The following CEP57L1 variants were observed in gnomAD, a reference collection of about 807,000 sequenced individuals.
CEP57L1 encodes the protein centrosomal protein CEP57L1.
In CEP57L1, 37 loss-of-function variants were observed where a neutral mutation model predicts 61.0. That is an observed-to-expected ratio of 0.61 (90% CI 0.47 to 0.80). CEP57L1 has a LOEUF of 0.80. Among genes scored for constraint, CEP57L1 ranks in the 30% least tolerant of loss-of-function variants. CEP57L1 has a pLI of 0.00. For missense variants in CEP57L1, 422 were observed against 524.7 expected (o/e 0.80, Z 1.91); for synonymous variants, 137 against 162.3 (o/e 0.84, Z 1.19).
chr6:109,113,319 T>C (rs1341334532), intron 1 of CEP57L1, among the ~76,000 whole-genome samples: 1 of 152,158 alleles, frequency 6.6e-6, no homozygotes, highest in East Asian at 1.9e-4. Flanking sequence ...GAAAAGCCCA[T>C]GTCCTCCTCA....
At chr6:109,147,715 CAG>C (rs1382074076) in intron 3 of CEP57L1, among the ~76,000 whole-genome samples, 1 of 152,106 alleles carries the variant, frequency 6.6e-6, no homozygotes, top group Non-Finnish European at 1.5e-5. Flanking sequence ...CAGTCAAGAA[CAG>C]GGGAAAATGA....
intron 1 of CEP57L1, among the ~76,000 whole-genome samples, chr6:109,130,350 G>T (rs1028203455): frequency 6.6e-5 from 10 of 152,032 alleles, no homozygotes; most frequent in African/African-American, 2.4e-4. Context: ...TCTGTGATTG[G>T]TTTATTTCAC....
chr6:109,145,968 C>A, intron 2 of CEP57L1, among the ~76,000 whole-genome samples: 1 of 151,828 alleles, frequency 6.6e-6, no homozygotes, highest in East Asian at 1.9e-4. Flanking sequence ...ATAATGGTTG[C>A]TGTTAATAAA....
At chr6:109,095,190 G>C (rs139064918), upstream of CEP57L1, 11,357 of 985,514 alleles carry the variant, frequency 0.012, 68 homozygotes, top group Non-Finnish European at 0.013. Context: ...CTAAGCTTGC[G>C]CCCTGAGGCG....
chr6:109,160,671 A>T lies in CEP57L1; in HGVS notation c.1116A>T (p.Glu372Asp), dbSNP rs377720157. Residue 372 changes from glutamate (E) to aspartate (D), a missense_variant, in exon 10 of 11, where the codon GAA (glutamate) becomes GAT (aspartate). Physicochemically the swap from Glu to Asp is conservative, Grantham distance 45. Transcript: ENST00000517392. ...CELECLLKKM[E>D]IKGEQISKLK... ...TAGAGTGTTTACTCAAGAAAATGGA[A>T]ATTAAAGGAGAACAAATCTCCAAAC... 1.3e-5 allele frequency: 21 copies of T among 1,608,918 alleles called. No individual in the cohort carries two copies. In the African/African-American group the frequency reaches 2.8e-4, roughly 22 times the overall value.
At chr6:109,154,967 A>C (rs1306144981) in intron 5 of CEP57L1, among the ~76,000 whole-genome samples, 1 of 152,092 alleles carries the variant, frequency 6.6e-6, no homozygotes, top group Admixed American at 6.5e-5. Context: ...TGTTGCTGGA[A>C]GTTAATAAAG....
At chr6:109,126,892 G>T (rs1409930666) in intron 1 of CEP57L1, among the ~76,000 whole-genome samples, 1 of 152,130 alleles carries the variant, frequency 6.6e-6, no homozygotes, top group African/African-American at 2.4e-5. Flanking sequence ...TGTTGGCCAG[G>T]CACGGTGCCT....
chr6:109,101,623 C>T (rs56030197), intron 1 of CEP57L1, among the ~76,000 whole-genome samples: 24,743 of 139,676 alleles, frequency 0.18, 2,649 homozygotes, highest in African/African-American at 0.31. Context: ...TTTCTTTTTT[C>T]TTTTTTTTTT....
At chr6:109,155,164 G>A in intron 5 of CEP57L1, 66 bp from the exon 6 acceptor site, 1 of 981,478 alleles carries the variant, frequency 1.0e-6, no homozygotes, top group Non-Finnish European at 1.5e-6. Flanking sequence ...ACTCTATTTG[G>A]AAAAGAAACA....
chr6:109,095,176 G>A, upstream of CEP57L1: 1 of 985,566 alleles, frequency 1.0e-6, no homozygotes, highest in Non-Finnish European at 1.2e-6. Flanking sequence ...CGCCCCCGGA[G>A]GCGCTAAGCT....
At chr6:109,096,042 G>A (rs750439800) in intron 1 of CEP57L1, among the ~76,000 whole-genome samples, 7 of 152,164 alleles carry the variant, frequency 4.6e-5, no homozygotes, top group Non-Finnish European at 8.8e-5. Context: ...TTCCTAGATA[G>A]GAATTCTTGC....
chr6:109,113,515 C>T (rs1476133581), intron 1 of CEP57L1, among the ~76,000 whole-genome samples: 1 of 152,104 alleles, frequency 6.6e-6, no homozygotes, highest in Non-Finnish European at 1.5e-5. Context: ...CATGACTTTG[C>T]ATTTACCTAT....
rs1201274989 is a variant in CEP57L1, at chr6:109,168,415, G to A, written c.*5445G>A. ...AGAAAGGTTATATTCTAGAGGCCAAGTATTGACTTGCACAGAATTGTGTAA... is the reference window on the plus strand; with the variant it reads ...AGAAAGGTTATATTCTAGAGGCCAAATATTGACTTGCACAGAATTGTGTAA... On this transcript the variant is annotated 3_prime_UTR_variant, in exon 11 of 11. Transcript: ENST00000517392. Among the ~76,000 whole-genome samples, 1 of 152,142 alleles carries A rather than the reference G, an allele frequency of 6.6e-6. No individual in the cohort carries two copies. The highest frequency in any genetic ancestry group is 1.5e-5 in the Non-Finnish European group (1 of 68,020).
At chr6:109,159,245 G>A (rs773129470) in intron 8 of CEP57L1, 24 bp from the exon 9 acceptor site, 2 of 1,614,090 alleles carry the variant, frequency 1.2e-6, no homozygotes, top group South Asian at 2.2e-5. Context: ...TTCTGTGAAT[G>A]CAAGTATGCA....
intron 1 of CEP57L1, among the ~76,000 whole-genome samples, chr6:109,115,525 G>A (rs188647792): frequency 6.6e-6 from 1 of 152,092 alleles, no homozygotes; most frequent in Non-Finnish European, 1.5e-5. Context: ...ACCCATTGTC[G>A]GTGTGTGCAC....
At chr6:109,152,697 C>G (rs2114916259) in intron 4 of CEP57L1, among the ~76,000 whole-genome samples, 1 of 150,036 alleles carries the variant, frequency 6.7e-6, no homozygotes, top group African/African-American at 2.5e-5. Context: ...TTCCTTTTCT[C>G]TGTGTTCTTA....
chr6:109,148,864 G>C (rs1381119804), intron 3 of CEP57L1, among the ~76,000 whole-genome samples: 2 of 152,184 alleles, frequency 1.3e-5, no homozygotes, highest in Non-Finnish European at 2.9e-5. Flanking sequence ...TTTCTCTGAT[G>C]GCCAGTGATG....
chr6:109,114,206 C>G (rs567268370), intron 1 of CEP57L1, among the ~76,000 whole-genome samples: 14 of 152,258 alleles, frequency 9.2e-5, no homozygotes, highest in African/African-American at 3.1e-4. Flanking sequence ...TCTCCACATC[C>G]TTGCCAACAT....
At chr6:109,114,219 G>C (rs930841149) in intron 1 of CEP57L1, among the ~76,000 whole-genome samples, 2 of 152,046 alleles carry the variant, frequency 1.3e-5, no homozygotes, top group African/African-American at 4.8e-5. Context: ...GCCAACATTT[G>C]TTGTCATTCA....
Sources: gnomAD v4.1 joint callset for allele counts (sites outside exome capture counted in the v4.1 genomes callset) on GRCh38, gnomAD v4.1.1 for gene constraint, MANE v1.5 for transcripts, NCBI Gene and HGNC (gene_info 2026-07-23, HGNC 2026-07-21) for gene names.